Variants in LAMA2 observed in about 807,000 individuals in gnomAD.
LAMA2 encodes the protein laminin subunit alpha-2.
A neutral mutation model predicts 364.8 loss-of-function variants in LAMA2; 269 were observed. That is an observed-to-expected ratio of 0.74 (90% CI 0.67 to 0.82). LAMA2 has a LOEUF of 0.82. LAMA2 is among the 40% of genes least tolerant of loss of function. The pLI, the probability that LAMA2 is intolerant of heterozygous loss-of-function variation, is 0.00. For missense variants in LAMA2, 3,807 were observed against 3,873.2 expected (o/e 0.98, Z 0.45); for synonymous variants, 1,379 against 1,370.6 (o/e 1.01, Z -0.14).
intron 18 of LAMA2, among the ~76,000 whole-genome samples, chr6:129,285,688 G>A (rs867868746): frequency 6.6e-6 from 1 of 152,096 alleles, no homozygotes; most frequent in Admixed American, 6.6e-5. Context: ...GTGATCATAA[G>A]CTCTGAATAT....
At chr6:129,216,835 T>C (rs948007139) in intron 12 of LAMA2, among the ~76,000 whole-genome samples, 8 of 152,194 alleles carry the variant, frequency 5.3e-5, no homozygotes, top group African/African-American at 1.9e-4. Flanking sequence ...CCTAAACATG[T>C]ATTAAGACCT....
intron 15 of LAMA2, among the ~76,000 whole-genome samples, chr6:129,263,464 G>A (rs1281000464): frequency 6.6e-6 from 1 of 152,090 alleles, no homozygotes; most frequent in East Asian, 1.9e-4. Flanking sequence ...CAGCTAAATC[G>A]AGTGTTGAAG....
chr6:129,431,459 G>T (rs1033045916), intron 41 of LAMA2, among the ~76,000 whole-genome samples: 6 of 148,042 alleles, frequency 4.1e-5, no homozygotes, highest in African/African-American at 1.5e-4. Context: ...GAAATAAAAA[G>T]ACCTATTCCC....
intron 51 of LAMA2, among the ~76,000 whole-genome samples, chr6:129,465,757 C>T (rs766015649): frequency 5.9e-5 from 9 of 151,818 alleles, no homozygotes; most frequent in Non-Finnish European, 7.4e-5. Context: ...GTTTATGATT[C>T]GGGGACATTT....
At chr6:129,105,113 C>G (rs562929391) in intron 4 of LAMA2, among the ~76,000 whole-genome samples, 1 of 152,250 alleles carries the variant, frequency 6.6e-6, no homozygotes, top group South Asian at 2.1e-4. Flanking sequence ...CAGCAGGGAC[C>G]CTACTTTGTC....
At chr6:129,470,030 G>A (rs1407825371) in intron 51 of LAMA2, among the ~76,000 whole-genome samples, 1 of 151,770 alleles carries the variant, frequency 6.6e-6, no homozygotes, top group East Asian at 1.9e-4. Context: ...TGTGGTGGTG[G>A]TTCTGCAGGT....
chr6:129,320,498 G>A, intron 27 of LAMA2, 40 bp from the exon 28 acceptor site: 1 of 1,166,210 alleles, frequency 8.6e-7, no homozygotes. Context: ...GATCTTAACT[G>A]ACTGTCATAG....
At chr6:129,341,740 A>G (rs1241288762) in intron 29 of LAMA2, among the ~76,000 whole-genome samples, 1 of 152,188 alleles carries the variant, frequency 6.6e-6, no homozygotes, top group African/African-American at 2.4e-5. Flanking sequence ...AGCTATTCTC[A>G]TTTCTTTGTG....
At chr6:129,342,829 G>A (rs1018745623) in intron 30 of LAMA2, among the ~76,000 whole-genome samples, 15 of 151,958 alleles carry the variant, frequency 9.9e-5, no homozygotes, top group Middle Eastern at 3.2e-3. Context: ...AGGATTGTTC[G>A]GGTGCATATT....
intron 60 of LAMA2, among the ~76,000 whole-genome samples, chr6:129,503,758 C>T (rs1785831658): frequency 6.6e-6 from 1 of 152,180 alleles, no homozygotes; most frequent in South Asian, 2.1e-4. Context: ...CCAAGACTCC[C>T]CACCTAACCA....
chr6:129,464,807 T>C (rs370136803), intron 50 of LAMA2, among the ~76,000 whole-genome samples: 4 of 151,978 alleles, frequency 2.6e-5, no homozygotes, highest in African/African-American at 9.7e-5. Context: ...AAGTATTCTT[T>C]GGCCTCATTT....
chr6:129,354,130 T>G (rs1437441159), intron 32 of LAMA2, among the ~76,000 whole-genome samples: 1 of 152,220 alleles, frequency 6.6e-6, no homozygotes, highest in Non-Finnish European at 1.5e-5. Flanking sequence ...ATTTACCTAT[T>G]GTAATAGTAT....
At chr6:129,076,699 G>C (rs190876051) in intron 3 of LAMA2, among the ~76,000 whole-genome samples, 2 of 151,532 alleles carry the variant, frequency 1.3e-5, no homozygotes, top group Admixed American at 1.3e-4. Flanking sequence ...AAAGATAGCG[G>C]TAGCAGATAA....
Position 129,055,438 on chromosome 6 carries a change from C to T in LAMA2, c.284-4346C>T, listed in dbSNP as rs1788421543. ...TGAACTCTCGACTTCACATGATCTA[C>T]CTGCCTTGGCCTCCCAAAGTGCTGG... On this transcript the variant is annotated intron_variant, in intron 2 of 64. Coordinates refer to ENST00000421865, the MANE Select transcript of LAMA2 (RefSeq NM_000426.4). Among the ~76,000 whole-genome samples the T allele has an allele frequency of 2.6e-5, 4 of 152,166 alleles. No homozygotes were observed. In the South Asian group the frequency reaches 6.2e-4, roughly 24 times the overall value.
At chr6:129,217,707 T>C (rs1783515555) in intron 12 of LAMA2, among the ~76,000 whole-genome samples, 1 of 152,184 alleles carries the variant, frequency 6.6e-6, no homozygotes, top group Non-Finnish European at 1.5e-5. Context: ...TAAGACCTTT[T>C]TGAATACTTC....
chr6:129,007,202 T>C (rs2114687401), intron 1 of LAMA2, among the ~76,000 whole-genome samples: 1 of 152,252 alleles, frequency 6.6e-6, no homozygotes, highest in African/African-American at 2.4e-5. Flanking sequence ...TTACTTAGAT[T>C]ATATCTATTT....
chr6:129,047,442 G>T (rs983994831), intron 1 of LAMA2, among the ~76,000 whole-genome samples: 1 of 152,134 alleles, frequency 6.6e-6, no homozygotes, highest in Non-Finnish European at 1.5e-5. Flanking sequence ...AGTACCATTG[G>T]CAAATCAGGA....
At chr6:129,395,314 TTTTA>T (rs1310575076) in intron 37 of LAMA2, among the ~76,000 whole-genome samples, 1 of 152,148 alleles carries the variant, frequency 6.6e-6, no homozygotes, top group Non-Finnish European at 1.5e-5. Flanking sequence ...CTCAAAAACT[TTTTA>T]TTTATTTTAA....
chr6:129,440,394 G>A (rs186882983), intron 42 of LAMA2, among the ~76,000 whole-genome samples: 1 of 151,990 alleles, frequency 6.6e-6, no homozygotes, highest in Admixed American at 6.5e-5. Context: ...ACCTGAAAAT[G>A]TTTCTCTATC....
Sources: allele counts gnomAD v4.1 joint callset (sites outside exome capture counted in the v4.1 genomes callset), GRCh38; gene constraint gnomAD v4.1.1; transcripts MANE v1.5; gene names NCBI Gene and HGNC (gene_info 2026-07-23, HGNC 2026-07-21).